Variants in SMCHD1 observed in about 807,000 individuals in gnomAD.
SMCHD1 encodes structural maintenance of chromosomes flexible hinge domain-containing protein 1.
Under a neutral mutation model 254.7 loss-of-function variants are expected in SMCHD1, and 78 were observed. That is an observed-to-expected ratio of 0.31 (90% CI 0.26 to 0.37). The LOEUF (loss-of-function observed/expected upper bound fraction) is 0.37, where lower values mean the gene tolerates loss of function less well. Among genes scored for constraint, SMCHD1 ranks in the 10% least tolerant of loss-of-function variants. The pLI is 1.00. For missense variants in SMCHD1, 1,840 were observed against 2,408.1 expected (o/e 0.76, Z 4.94); for synonymous variants, 766 against 794.9 (o/e 0.96, Z 0.61).
intron 45 of SMCHD1, chr18:2,784,883 A>C (rs905200137): frequency 3.0e-5 from 15 of 499,146 alleles, no homozygotes; most frequent in African/African-American, 2.9e-4. Context: ...AGGCTAAGAC[A>C]AGAGTGTCGC....
intron 44 of SMCHD1, among the ~76,000 whole-genome samples, chr18:2,784,108 A>G (rs1332308544): frequency 6.6e-6 from 1 of 152,182 alleles, no homozygotes; most frequent in Non-Finnish European, 1.5e-5. Flanking sequence ...TAACAGAGGA[A>G]ACTGGGTTGG....
chr18:2,745,904 T>A (rs2075445534), intron 29 of SMCHD1, among the ~76,000 whole-genome samples: 2 of 152,218 alleles, frequency 1.3e-5, no homozygotes, highest in African/African-American at 4.8e-5. Flanking sequence ...AGTTTTCTAA[T>A]TTAATTGCTG....
intron 37 of SMCHD1, 71 bp downstream of exon 37, chr18:2,763,860 C>T (rs918991034): frequency 5.7e-6 from 8 of 1,396,262 alleles, no homozygotes; most frequent in South Asian, 3.8e-5. Context: ...ATTAAGACAC[C>T]TTTTCTTTTG....
chr18:2,784,311 C>T, intron 44 of SMCHD1, 139 bp from the exon 45 acceptor site: 3 of 657,352 alleles, frequency 4.6e-6, no homozygotes, highest in Non-Finnish European at 7.4e-6. Flanking sequence ...GTTTATCTTA[C>T]ATATTGCTAG....
intron 25 of SMCHD1, among the ~76,000 whole-genome samples, chr18:2,734,812 G>A (rs2075214755): frequency 6.6e-6 from 1 of 152,066 alleles, no homozygotes; most frequent in African/African-American, 2.4e-5. Flanking sequence ...GCTCACACCT[G>A]TAATCCTAGC....
rs540284215 is a variant in SMCHD1, at chr18:2,765,018, AAC to A, written c.4719+1232_4719+1233del. ...TCATATTAGCAACACTATATGTGTG[AAC>A]ACTTTTAAAAATTCTAACCAAGTAT... On this transcript the variant is annotated intron_variant, in intron 37 of 47. Coordinates refer to ENST00000320876, the MANE Select transcript of SMCHD1 (RefSeq NM_015295.3). 4.4e-4 allele frequency among the ~76,000 whole-genome samples: 67 copies of A among 152,292 alleles called. 1 individual carries two copies. Among genetic ancestry groups the A allele is most frequent in the Non-Finnish European group, 8.7e-4 (59 of 68,016 alleles).
chr18:2,667,594 A>G (rs1568084866), intron 3 of SMCHD1, among the ~76,000 whole-genome samples: 1 of 152,180 alleles, frequency 6.6e-6, no homozygotes, highest in Non-Finnish European at 1.5e-5. Flanking sequence ...CTTTTGTATT[A>G]AAATTATTTT....
chr18:2,751,927 A>G (rs2347807), intron 33 of SMCHD1, among the ~76,000 whole-genome samples: 45,251 of 151,976 alleles, frequency 0.3, 6,942 homozygotes, highest in East Asian at 0.5. Flanking sequence ...AATTATTGCT[A>G]GGATTTTACG....
intron 45 of SMCHD1, among the ~76,000 whole-genome samples, chr18:2,788,407 C>T (rs1263121999): frequency 6.6e-6 from 1 of 152,106 alleles, no homozygotes; most frequent in African/African-American, 2.4e-5. Flanking sequence ...ATAGCTTTCT[C>T]ATGTTTAGAA....
intron 5 of SMCHD1, 97 bp from the exon 6 acceptor site, chr18:2,688,297 G>A (rs1040909991): frequency 2.2e-5 from 18 of 817,382 alleles, no homozygotes; most frequent in South Asian, 7.4e-5. Flanking sequence ...GTTTGCAGGC[G>A]TGATCATTTT....
At position 2,655,836 on chromosome 18, in the gene SMCHD1, CAG is replaced by C. The variant is rs1209008071; in HGVS notation, c.-239_-238del. ...AGCGCGCCGCGCGTCCCCTTCTCCT[CAG>C]GAGTGGCGGGCCGCGGAAGTGACGT... On this transcript the variant is annotated 5_prime_UTR_variant, in exon 1 of 48. Transcript: ENST00000320876. 1 of 344,616 alleles carries C rather than the reference CAG, an allele frequency of 2.9e-6. No individual in the cohort carries two copies. The highest frequency in any genetic ancestry group is 5.2e-6 in the Non-Finnish European group (1 of 191,812). The allele number at this position is 344,616 out of a possible 1,614,324, so 21.3% of individuals were successfully genotyped here.
chr18:2,695,309 A>AT (rs35253416), intron 8 of SMCHD1, among the ~76,000 whole-genome samples: 381 of 140,734 alleles, frequency 2.7e-3, no homozygotes, highest in Middle Eastern at 0.011. Context: ...CTAAAAAAAA[A>AT]TTTTTTTTTT....
chr18:2,796,154 A>G (rs1019649770), intron 46 of SMCHD1, 47 bp downstream of exon 46: 2 of 1,396,712 alleles, frequency 1.4e-6, no homozygotes, highest in African/African-American at 2.9e-5. Context: ...ATATGGAGAT[A>G]AATATTTATG....
At chr18:2,685,187 C>T (rs907576050) in intron 5 of SMCHD1, among the ~76,000 whole-genome samples, 15 of 141,814 alleles carry the variant, frequency 1.1e-4, no homozygotes, top group Non-Finnish European at 2.1e-4. Context: ...GCAAACTCTG[C>T]CTCCCGGGTT....
chr18:2,708,279 A>G (rs1428001488), intron 17 of SMCHD1, among the ~76,000 whole-genome samples: 2 of 152,184 alleles, frequency 1.3e-5, no homozygotes, highest in South Asian at 4.1e-4. Flanking sequence ...TAGTCATCCA[A>G]AACAGGTTTC....
At chr18:2,681,638 C>A (rs1238776205) in intron 5 of SMCHD1, among the ~76,000 whole-genome samples, 1 of 148,644 alleles carries the variant, frequency 6.7e-6, no homozygotes, top group African/African-American at 2.5e-5. Context: ...CTAGAAAATT[C>A]TCTCATAACT....
intron 28 of SMCHD1, among the ~76,000 whole-genome samples, chr18:2,742,575 G>A (rs2075372512): frequency 6.6e-6 from 1 of 152,128 alleles, no homozygotes; most frequent in East Asian, 1.9e-4. Flanking sequence ...TTTTCGGAGA[G>A]ATTAATTTTG....
intron 5 of SMCHD1, among the ~76,000 whole-genome samples, chr18:2,683,621 C>T (rs1437285234): frequency 6.6e-6 from 1 of 152,160 alleles, no homozygotes; most frequent in African/African-American, 2.4e-5. Flanking sequence ...CTGAAAATGT[C>T]AGTTAGATTC....
intron 37 of SMCHD1, among the ~76,000 whole-genome samples, 196 bp from the exon 38 acceptor site, chr18:2,769,498 G>T (rs970511243): frequency 6.6e-6 from 1 of 152,160 alleles, no homozygotes; most frequent in Admixed American, 6.5e-5. Flanking sequence ...ACCAATACCA[G>T]AAGGTAAAAA....
Sources: gnomAD v4.1 joint callset for allele counts (sites outside exome capture counted in the v4.1 genomes callset) on GRCh38, gnomAD v4.1.1 for gene constraint, MANE v1.5 for transcripts, NCBI Gene and HGNC (gene_info 2026-07-23, HGNC 2026-07-21) for gene names.